The following ARPP21 variants were observed in gnomAD, a reference collection of about 807,000 sequenced individuals.
ARPP21 encodes cAMP regulated phosphoprotein 21, also known as cAMP-regulated phosphoprotein 21.
ARPP21 carries 69 observed loss-of-function variants against 113.2 expected under a neutral mutation model. The observed-to-expected ratio is 0.61, with a 90% CI of 0.50 to 0.74. The LOEUF is 0.74. Ranked by LOEUF, ARPP21 falls within the 30% of genes least tolerant of loss-of-function variation. The probability of loss-of-function intolerance (pLI) is 0.00; values close to 1 mark genes in which losing one functional copy is unlikely to be tolerated. For missense variants in ARPP21, 1,070 were observed against 1,037.4 expected, an observed-to-expected ratio of 1.03 and a Z score of -0.43; for synonymous variants, 368 against 375.5, an observed-to-expected ratio of 0.98 and a Z score of 0.23.
intron 10 of ARPP21, among the ~76,000 whole-genome samples, chr3:35,708,723 A>G (rs1427376650): frequency 6.6e-6 from 1 of 152,184 alleles, no homozygotes; most frequent in Non-Finnish European, 1.5e-5. Flanking sequence ...TCGTTTTGGA[A>G]ACACCTGTGC....
chr3:35,729,537 G>C lies in ARPP21; in HGVS notation c.1459+1G>C. 1 of 1,611,210 alleles carries C rather than the reference G, an allele frequency of 6.2e-7. No individual in the cohort carries two copies. Among genetic ancestry groups the C allele is most frequent in the Non-Finnish European group, 8.5e-7 (1 of 1,177,352 alleles). On this transcript the variant is annotated splice_donor_variant, in intron 15 of 20. Transcript: ENST00000684406. LOFTEE classifies it high-confidence loss of function. ...AGCATCCTTCTTAATCCACACACAG[G>C]TGAGTTACTACCTGCTTTATCAGGG... is the stretch of plus-strand genomic sequence containing the variant.
intron 19 of ARPP21, among the ~76,000 whole-genome samples, chr3:35,778,735 G>C (rs920274273): frequency 8.7e-6 from 1 of 115,410 alleles, no homozygotes; most frequent in East Asian, 2.5e-4. Context: ...CTACTAAACT[G>C]TATGGTCTGA....
chr3:35,788,344 G>A (rs961117325), intron 19 of ARPP21, among the ~76,000 whole-genome samples: 18 of 152,092 alleles, frequency 1.2e-4, no homozygotes, highest in East Asian at 5.8e-4. Context: ...AGAAATATTC[G>A]TATCTTGTCT....
intron 15 of ARPP21, among the ~76,000 whole-genome samples, chr3:35,734,872 T>C (rs1354318825): frequency 6.6e-6 from 1 of 152,186 alleles, no homozygotes; most frequent in East Asian, 1.9e-4. Flanking sequence ...TAATAAATTT[T>C]TGCGTATATG....
chr3:35,643,180 A>C (rs2148855975), intron 1 of ARPP21, among the ~76,000 whole-genome samples: 1 of 152,208 alleles, frequency 6.6e-6, no homozygotes, highest in African/African-American at 2.4e-5. Context: ...TTCAGAGTAA[A>C]GCTAATTAGA....
Position 35,738,338 on chromosome 3 carries a change from T to C in ARPP21, c.1749+20T>C, listed in dbSNP as rs1308527359. ...CCCATGGTACTGTATTATGTGTATA[T>C]GACTTTTTCCCCTAGGAAAGCATAT... is the stretch of plus-strand genomic sequence containing the variant. On this transcript the variant is annotated intron_variant, in intron 17 of 20. Transcript: ENST00000684406. The C allele has an allele frequency of 3.3e-6, 5 of 1,500,966 alleles. No individual in the cohort carries two copies. The highest frequency in any genetic ancestry group is 1.4e-5 in the African/African-American group (1 of 72,322). 93.0% of individuals were successfully genotyped at this position (1,500,966 alleles called of 1,614,324 possible).
intron 1 of ARPP21, among the ~76,000 whole-genome samples, chr3:35,676,192 G>A (rs1016999457): frequency 2.4e-4 from 37 of 151,930 alleles, no homozygotes; most frequent in African/African-American, 8.9e-4. Context: ...TTCTTCAGAT[G>A]TTTTTATTGA....
At chr3:35,790,068 CTT>C (rs1428371126) in intron 19 of ARPP21, among the ~76,000 whole-genome samples, 10 of 152,120 alleles carry the variant, frequency 6.6e-5, no homozygotes, top group Non-Finnish European at 1.3e-4. Flanking sequence ...TCCTCTCCAT[CTT>C]TTTTGTTGTT....
At chr3:35,659,896 G>A (rs1262766304) in intron 1 of ARPP21, among the ~76,000 whole-genome samples, 1 of 152,134 alleles carries the variant, frequency 6.6e-6, no homozygotes, top group Non-Finnish European at 1.5e-5. Context: ...AAAGACATTG[G>A]TCCACAATGA....
chr3:35,757,981 G>T (rs1002925003), intron 19 of ARPP21, among the ~76,000 whole-genome samples: 3 of 152,102 alleles, frequency 2.0e-5, no homozygotes, highest in African/African-American at 7.2e-5. Context: ...TAACATTGTT[G>T]CAGAATAGAG....
At chr3:35,674,817 C>A (rs951707803) in intron 1 of ARPP21, among the ~76,000 whole-genome samples, 1 of 151,872 alleles carries the variant, frequency 6.6e-6, no homozygotes, top group African/African-American at 2.4e-5. Flanking sequence ...ATGATATGCT[C>A]AGGACATTTC....
rs111210591 is a variant in ARPP21, at chr3:35,748,193, A to G, written c.2137+4228A>G. Among the ~76,000 whole-genome samples, 669 of 106,456 alleles carry G rather than the reference A, an allele frequency of 6.3e-3. 10 individuals are homozygous for G. Among genetic ancestry groups the G allele is most frequent in the African/African-American group, 0.026 (580 of 22,502 alleles). The allele number at this position is 106,456 out of a possible 152,430, so 69.8% of individuals were successfully genotyped here. On this transcript the variant is annotated intron_variant, in intron 19 of 20. Coordinates refer to ENST00000684406, the MANE Select transcript of ARPP21 (RefSeq NM_001385562.1). The stretch of plus-strand genomic sequence containing the variant: ...AGAAAAGAAAAGAAAGAAAGAAAGA[A>G]AGAGAGAGAGAGGGAGGGAGGAAGG...
At chr3:35,705,436 T>C (rs960005678) in intron 9 of ARPP21, among the ~76,000 whole-genome samples, 1 of 152,208 alleles carries the variant, frequency 6.6e-6, no homozygotes, top group Non-Finnish European at 1.5e-5. Flanking sequence ...TTTTAATATG[T>C]CATATTCGCA....
chr3:35,651,124 C>T (rs945754809), intron 1 of ARPP21, among the ~76,000 whole-genome samples: 11 of 151,998 alleles, frequency 7.2e-5, no homozygotes, highest in Non-Finnish European at 1.5e-4. Flanking sequence ...TTAAATGGTT[C>T]TGTAGGAAAA....
intron 5 of ARPP21, among the ~76,000 whole-genome samples, 170 bp from the exon 6 acceptor site, chr3:35,687,569 G>A (rs2081002784): frequency 6.6e-6 from 1 of 151,050 alleles, no homozygotes; most frequent in Non-Finnish European, 1.5e-5. Flanking sequence ...TGAAGATTAA[G>A]TCATTTTAAA....
intron 19 of ARPP21, among the ~76,000 whole-genome samples, chr3:35,758,835 A>G (rs924646800): frequency 2.6e-5 from 4 of 151,946 alleles, no homozygotes; most frequent in African/African-American, 9.7e-5. Context: ...AGTAAAGCAG[A>G]GAAAGGGAAA....
chr3:35,701,262 A>G lies in ARPP21; in HGVS notation c.687-5712A>G, dbSNP rs530001335. On this transcript the variant is annotated intron_variant, in intron 9 of 20. Transcript: ENST00000684406. ...TGATGTTATCCTCATATTTTAGAAT[A>G]TATGTGTGCAGTATTTCCTAGATAA... Among the ~76,000 whole-genome samples, 57 of 151,870 alleles carry G rather than the reference A, an allele frequency of 3.8e-4. No individual in the cohort carries two copies. The South Asian group carries it at 0.011, about 29-fold the overall frequency.
At chr3:35,719,122 G>A (rs1216537115) in intron 13 of ARPP21, among the ~76,000 whole-genome samples, 1 of 151,890 alleles carries the variant, frequency 6.6e-6, no homozygotes, top group Middle Eastern at 3.2e-3. Flanking sequence ...GGGCTTAGGA[G>A]AGAAGGGAAG....
chr3:35,681,830 G>A lies in ARPP21; in HGVS notation c.79G>A (p.Gly27Ser), dbSNP rs777872566. The A allele has an allele frequency of 7.4e-6, 12 of 1,611,962 alleles. No individual in the cohort carries two copies. The African/African-American group carries it at 1.1e-4, about 14-fold the overall frequency. Residue 27 changes from glycine (G) to serine (S), a missense_variant, in exon 3 of 21, where the codon GGC (glycine) becomes AGC (serine). Gly to Ser is a moderately conservative substitution (Grantham distance 56). Transcript: ENST00000684406. ...TEQETATPEN[G>S]IVKSESLDEE... ...GCAGGAGACGGCCACTCCAGAGAAC[G>A]GCATTGTTAAATCAGAAAGTCTGGA...
Sources: allele counts gnomAD v4.1 joint callset (sites outside exome capture counted in the v4.1 genomes callset), GRCh38; gene constraint gnomAD v4.1.1; transcripts MANE v1.5; gene names NCBI Gene and HGNC (gene_info 2026-07-23, HGNC 2026-07-21).